SAMD4A: variants seen among roughly 807,000 people sequenced by gnomAD.
SAMD4A encodes sterile alpha motif domain containing 4A.
SAMD4A carries 33 observed loss-of-function variants against 81.3 expected under a neutral mutation model. The ratio of observed to expected loss-of-function variants is 0.41; its 90% CI spans 0.31 to 0.54. The LOEUF is 0.54. Ranked by LOEUF, SAMD4A falls within the 20% of genes least tolerant of loss-of-function variation. The pLI, the probability that SAMD4A is intolerant of heterozygous loss-of-function variation, is 0.37. For missense variants in SAMD4A, 854 were observed against 951.1 expected (o/e 0.90, Z 1.34); for synonymous variants, 389 against 382.1 (o/e 1.02, Z -0.21).
intron 2 of SAMD4A, chr14:54,694,718 C>T (rs2036536152): frequency 4.1e-6 from 4 of 985,364 alleles, no homozygotes; most frequent in Non-Finnish European, 3.6e-6. Flanking sequence ...CCTGACTGGT[C>T]ATGGCCAGGA....
chr14:54,610,571 A>G (rs773585461), intron 2 of SAMD4A, among the ~76,000 whole-genome samples: 3 of 152,144 alleles, frequency 2.0e-5, no homozygotes, highest in Non-Finnish European at 2.9e-5. Flanking sequence ...TTATGACTAA[A>G]TGTTTTCTGT....
At chr14:54,625,639 T>A (rs2034726613) in intron 2 of SAMD4A, among the ~76,000 whole-genome samples, 1 of 152,228 alleles carries the variant, frequency 6.6e-6, no homozygotes, top group South Asian at 2.1e-4. Context: ...TTTGCAAGTT[T>A]CTCAGAGAAA....
At chr14:54,678,433 T>TGTGTGTGTGTGTGTGTGTGTGTGTG (rs2036040355) in intron 2 of SAMD4A, among the ~76,000 whole-genome samples, 2 of 81,250 alleles carry the variant, frequency 2.5e-5, no homozygotes, top group Non-Finnish European at 4.4e-5. Flanking sequence ...CAGTCACCAT[T>TGTGTGTGTGTGTGTGTGTGTGTGTG]TGTGTGTGTG....
intron 11 of SAMD4A, chr14:54,784,285 G>C (rs766343896): frequency 8.3e-5 from 115 of 1,387,986 alleles, no homozygotes; most frequent in Non-Finnish European, 1.1e-4. Flanking sequence ...GTTCTGAGCA[G>C]AGGAGGCACA....
intron 2 of SAMD4A, among the ~76,000 whole-genome samples, chr14:54,692,342 T>G (rs2036462123): frequency 6.6e-6 from 1 of 152,224 alleles, no homozygotes; most frequent in African/African-American, 2.4e-5. Context: ...TGAACTATTC[T>G]TTTGTGATTC....
chr14:54,702,980 G>A (rs2036758306), intron 3 of SAMD4A: 1 of 171,588 alleles, frequency 5.8e-6, no homozygotes, highest in African/African-American at 2.4e-5. Context: ...TAACCAGGCA[G>A]CCTCATGGGC....
chr14:54,654,143 G>A (rs17728215), intron 2 of SAMD4A, among the ~76,000 whole-genome samples: 14,807 of 152,210 alleles, frequency 0.097, 943 homozygotes, highest in Middle Eastern at 0.15. Context: ...CCTCAGAACC[G>A]GTAGATGACT....
intron 6 of SAMD4A, among the ~76,000 whole-genome samples, chr14:54,755,494 G>A (rs1406584721): frequency 6.6e-6 from 1 of 152,142 alleles, no homozygotes; most frequent in African/African-American, 2.4e-5. Flanking sequence ...AGATATGGAG[G>A]GGCTGAACAA....
intron 3 of SAMD4A, among the ~76,000 whole-genome samples, chr14:54,724,445 G>T (rs1053223884): frequency 6.6e-6 from 1 of 152,184 alleles, no homozygotes; most frequent in African/African-American, 2.4e-5. Flanking sequence ...ATTAAATGAG[G>T]ATTAAATGGA....
chr14:54,641,197 G>C (rs551298603), intron 2 of SAMD4A, among the ~76,000 whole-genome samples: 1 of 152,274 alleles, frequency 6.6e-6, no homozygotes, highest in South Asian at 2.1e-4. Flanking sequence ...ACCTCTCAGG[G>C]CTATTGTCAG....
intron 2 of SAMD4A, among the ~76,000 whole-genome samples, chr14:54,585,739 G>A (rs1187589): frequency 0.37 from 56,134 of 151,960 alleles, 10,867 homozygotes; most frequent in African/African-American, 0.49. Flanking sequence ...ATAGTCTCCA[G>A]TTCCATCCAG....
At chr14:54,687,682 G>A (rs4898846) in intron 2 of SAMD4A, among the ~76,000 whole-genome samples, 37,490 of 152,146 alleles carry the variant, frequency 0.25, 5,670 homozygotes, top group Admixed American at 0.35. Context: ...CACTGTTCAC[G>A]GTGGCACCAG....
intron 2 of SAMD4A, chr14:54,685,777 C>G (rs2036252525): frequency 2.2e-6 from 1 of 456,552 alleles, no homozygotes; most frequent in African/African-American, 2.0e-5. Flanking sequence ...GAGGTCCCTT[C>G]CATCTCCAGA....
At chr14:54,695,933 C>T (rs921172150) in intron 2 of SAMD4A, among the ~76,000 whole-genome samples, 7 of 123,710 alleles carry the variant, frequency 5.7e-5, no homozygotes, top group Admixed American at 4.1e-4. Flanking sequence ...AGCCTGGTGA[C>T]GGAGTGAGAC....
Position 54,650,824 on chromosome 14 carries a change from G to A in SAMD4A, c.197-51238G>A, listed in dbSNP as rs147795667. Among the ~76,000 whole-genome samples, 10 of 152,230 alleles carry A rather than the reference G, an allele frequency of 6.6e-5. No homozygotes were observed. The East Asian group carries it at 1.7e-3, about 26-fold the overall frequency. Reference sequence around the variant, plus strand: ...CCCACCAGACTCACGGAACAGAGGCGTGCCCCACGTTGTATGCTTGCACTG... The same window carrying A: ...CCCACCAGACTCACGGAACAGAGGCATGCCCCACGTTGTATGCTTGCACTG... On this transcript the variant is annotated intron_variant, in intron 2 of 12. Coordinates refer to ENST00000554335, the MANE Select transcript of SAMD4A (RefSeq NM_015589.6).
At position 54,603,490 on chromosome 14, in the gene SAMD4A, C is replaced by G. The variant is rs557570150; in HGVS notation, c.196+35378C>G. The stretch of plus-strand genomic sequence containing the variant: ...AACTGATCAGCTTATAAAGCTGATG[C>G]TGCCCAGTTCTGTTCTGAGTCCAGT... On this transcript the variant is annotated intron_variant, in intron 2 of 12. Transcript: ENST00000554335. 7.0e-4 allele frequency among the ~76,000 whole-genome samples: 107 copies of G among 152,324 alleles called. 1 individual carries two copies. Among genetic ancestry groups the G allele is most frequent in the African/African-American group, 2.4e-3 (101 of 41,578 alleles).
chr14:54,635,488 G>A (rs1045039537), intron 2 of SAMD4A, among the ~76,000 whole-genome samples: 14 of 151,012 alleles, frequency 9.3e-5, no homozygotes, highest in Admixed American at 4.0e-4. Context: ...AATCGCTCAC[G>A]TCCGTAATCC....
chr14:54,582,203 A>G (rs966086327), intron 2 of SAMD4A, among the ~76,000 whole-genome samples: 2 of 152,060 alleles, frequency 1.3e-5, no homozygotes, highest in African/African-American at 4.8e-5. Flanking sequence ...TTTAGTTCAC[A>G]ACATTTTAGA....
chr14:54,611,674 C>T (rs571595382), intron 2 of SAMD4A, among the ~76,000 whole-genome samples: 17 of 151,988 alleles, frequency 1.1e-4, no homozygotes, highest in African/African-American at 3.4e-4. Context: ...GTCAAGAGTT[C>T]GAGACCAGCC....
Sources: gnomAD v4.1 joint callset for allele counts (sites outside exome capture counted in the v4.1 genomes callset) on GRCh38, gnomAD v4.1.1 for gene constraint, MANE v1.5 for transcripts, NCBI Gene and HGNC (gene_info 2026-07-23, HGNC 2026-07-21) for gene names.